The following DLC1 variants were observed in gnomAD, a reference collection of about 807,000 sequenced individuals.
The protein encoded by DLC1 is DLC1 Rho GTPase activating protein, also known as rho GTPase-activating protein 7.
A neutral mutation model predicts 140.3 loss-of-function variants in DLC1; 54 were observed. The ratio of observed to expected loss-of-function variants is 0.38; its 90% CI spans 0.31 to 0.48. The LOEUF (loss-of-function observed/expected upper bound fraction) is 0.48, where lower values mean the gene tolerates loss of function less well. Ranked by LOEUF, DLC1 falls within the 20% of genes least tolerant of loss-of-function variation. The probability of loss-of-function intolerance (pLI) is 0.96; values close to 1 mark genes in which losing one functional copy is unlikely to be tolerated. For synonymous variants in DLC1, 986 were observed against 728.1 expected (o/e 1.35, Z -5.70); for missense variants, 2,536 against 1,907.0 (o/e 1.33, Z -6.14).
intron 2 of DLC1, among the ~76,000 whole-genome samples, chr8:13,484,915 A>G (rs529466149): frequency 7.2e-5 from 11 of 152,052 alleles, no homozygotes; most frequent in African/African-American, 2.7e-4. Flanking sequence ...GGACCAGGAG[A>G]CTTATGACAA....
At chr8:13,240,874 G>T (rs1206219481) in intron 5 of DLC1, among the ~76,000 whole-genome samples, 1 of 152,154 alleles carries the variant, frequency 6.6e-6, no homozygotes, top group Non-Finnish European at 1.5e-5. Context: ...TAAAACCTGA[G>T]CCTTTCCTGG....
At chr8:13,132,205 C>CTGTGTG (rs147699066) in intron 5 of DLC1, among the ~76,000 whole-genome samples, 2,830 of 139,176 alleles carry the variant, frequency 0.02, 46 homozygotes, top group South Asian at 0.025. Flanking sequence ...AAAACCAAAA[C>CTGTGTG]TGTGTGTGTG....
chr8:13,321,536 C>CAAAAAAAAAAAAAAAAAAAAAA lies in DLC1; in HGVS notation c.1315-16235_1315-16234insTTTTTTTTTTTTTTTTTTTTTT, dbSNP rs1486480504. 3.3e-4 allele frequency among the ~76,000 whole-genome samples: 2 copies of CAAAAAAAAAAAAAAAAAAAAAA among 6,134 alleles called. 1 individual carries two copies. The allele number at this position is 6,134 out of a possible 152,430, so 4.0% of individuals were successfully genotyped here. On this transcript the variant is annotated intron_variant, in intron 4 of 17. Coordinates refer to ENST00000276297, the MANE Select transcript of DLC1 (RefSeq NM_182643.3). Reference sequence around the variant, plus strand: ...CTAGCGACAGAGAGAGACTCAGTCTCAAAAAAGAAAAAAAAAAAAAAAAAA... The same window carrying CAAAAAAAAAAAAAAAAAAAAAA: ...CTAGCGACAGAGAGAGACTCAGTCTCAAAAAAAAAAAAAAAAAAAAAAAAAAAAGAAAAAAAAAAAAAAAAAA...
chr8:13,524,358 C>A (rs1348547801), intron 1 of DLC1, among the ~76,000 whole-genome samples: 1 of 151,814 alleles, frequency 6.6e-6, no homozygotes, highest in African/African-American at 2.4e-5. Flanking sequence ...GGCTGATCTC[C>A]AGCTCCTGAC....
intron 7 of DLC1, among the ~76,000 whole-genome samples, chr8:13,103,775 G>T (rs1457346783): frequency 6.7e-6 from 1 of 149,876 alleles, no homozygotes; most frequent in East Asian, 2.0e-4. Context: ...GGGAGGTGAA[G>T]GTTGTAGTGA....
chr8:13,588,102 C>T (rs768152271), intron 1 of DLC1, among the ~76,000 whole-genome samples: 6 of 151,974 alleles, frequency 3.9e-5, no homozygotes, highest in Admixed American at 1.3e-4. Flanking sequence ...CCAGTTCTTC[C>T]AAATGGAAGC....
chr8:13,153,703 C>T (rs1157350900), intron 5 of DLC1, among the ~76,000 whole-genome samples: 3 of 152,066 alleles, frequency 2.0e-5, no homozygotes, highest in African/African-American at 4.8e-5. Context: ...TAAAAGTTCT[C>T]CAAGTCCCCA....
At chr8:13,276,566 G>T in intron 5 of DLC1, 1 of 1,268,564 alleles carries the variant, frequency 7.9e-7, no homozygotes. Flanking sequence ...CTCCTGGCCC[G>T]CGGCCAAGCG....
chr8:13,420,652 A>G (rs1407868869), intron 2 of DLC1, among the ~76,000 whole-genome samples: 1 of 151,948 alleles, frequency 6.6e-6, no homozygotes, highest in Non-Finnish European at 1.5e-5. Context: ...GAGAACATGC[A>G]GTATTTGGTT....
chr8:13,223,284 C>T (rs564249750), intron 5 of DLC1, among the ~76,000 whole-genome samples: 36 of 152,256 alleles, frequency 2.4e-4, no homozygotes, highest in African/African-American at 5.1e-4. Context: ...AGAACAACCC[C>T]GCCCCCAGCA....
intron 5 of DLC1, among the ~76,000 whole-genome samples, chr8:13,118,956 C>A (rs771477642): frequency 6.6e-6 from 1 of 152,078 alleles, no homozygotes; most frequent in Non-Finnish European, 1.5e-5. Flanking sequence ...TAGCTCTGTG[C>A]GGTGACTCAC....
chr8:13,291,155 C>T (rs1320070680), intron 5 of DLC1, among the ~76,000 whole-genome samples: 1 of 152,124 alleles, frequency 6.6e-6, no homozygotes, highest in Non-Finnish European at 1.5e-5. Context: ...GTGATCTGCC[C>T]GCCTCAGCCT....
At chr8:13,154,414 C>T (rs13251976) in intron 5 of DLC1, among the ~76,000 whole-genome samples, 51,073 of 152,028 alleles carry the variant, frequency 0.34, 9,792 homozygotes, top group East Asian at 0.52. Flanking sequence ...GGGGACCCGG[C>T]GCCCCCTCCG....
chr8:13,432,902 G>A (rs1466405134), intron 2 of DLC1, among the ~76,000 whole-genome samples: 7 of 151,654 alleles, frequency 4.6e-5, no homozygotes, highest in Non-Finnish European at 8.8e-5. Context: ...TACTGCTGGG[G>A]AATTGTGCTG....
intron 5 of DLC1, among the ~76,000 whole-genome samples, chr8:13,161,029 C>T (rs1035336641): frequency 1.3e-4 from 20 of 152,140 alleles, no homozygotes; most frequent in African/African-American, 2.2e-4. Flanking sequence ...TGCAGTGAGC[C>T]GAGATCGCGC....
At chr8:13,508,275 C>A (rs933680992) in intron 1 of DLC1, among the ~76,000 whole-genome samples, 1 of 152,112 alleles carries the variant, frequency 6.6e-6, no homozygotes, top group East Asian at 1.9e-4. Flanking sequence ...TTAAGCAACC[C>A]GCATGTAATT....
chr8:13,102,897 CTCTA>C, intron 7 of DLC1, 44 bp from the exon 8 acceptor site: 1 of 1,550,084 alleles, frequency 6.5e-7, no homozygotes, highest in Non-Finnish European at 8.9e-7. Flanking sequence ...GGCAACCACT[CTCTA>C]ATGAGTGGAT....
intron 4 of DLC1, among the ~76,000 whole-genome samples, chr8:13,383,198 T>C (rs924356748): frequency 6.6e-6 from 1 of 152,206 alleles, no homozygotes; most frequent in Non-Finnish European, 1.5e-5. Flanking sequence ...GGAAGCGGTA[T>C]GAATGATTCC....
At position 13,196,160 on chromosome 8, in the gene DLC1, G is replaced by C. The variant is rs183060573; in HGVS notation, c.1349-80503C>G. ...CTCGAAGAAATATCAACACATGAGA[G>C]TGGTTATCTCTGATTAGGGGAAGGA... On this transcript the variant is annotated intron_variant, in intron 5 of 17. Coordinates refer to ENST00000276297, the MANE Select transcript of DLC1 (RefSeq NM_182643.3). Among the ~76,000 whole-genome samples, 313 of 151,032 alleles carry C rather than the reference G, an allele frequency of 2.1e-3. 1 individual carries two copies. Among genetic ancestry groups the C allele is most frequent in the African/African-American group, 7.4e-3 (303 of 41,144 alleles).
Sources: gnomAD v4.1 joint callset for allele counts (sites outside exome capture counted in the v4.1 genomes callset) on GRCh38, gnomAD v4.1.1 for gene constraint, MANE v1.5 for transcripts, NCBI Gene and HGNC (gene_info 2026-07-23, HGNC 2026-07-21) for gene names.